Variants in ASIC2 observed in about 807,000 individuals in gnomAD.
The protein encoded by ASIC2 is acid-sensing ion channel 2.
In ASIC2, 25 loss-of-function variants were observed where a neutral mutation model predicts 57.3. The observed-to-expected ratio is 0.44, with a 90% CI of 0.32 to 0.61. ASIC2 has a LOEUF of 0.61. ASIC2 is among the 20% of genes least tolerant of loss of function. ASIC2 has a pLI of 0.06. For missense variants in ASIC2, 641 were observed against 738.1 expected (o/e 0.87, Z 1.52); for synonymous variants, 319 against 307.5 (o/e 1.04, Z -0.39).
intron 1 of ASIC2, among the ~76,000 whole-genome samples, chr17:33,223,335 A>G (rs1331280156): frequency 6.6e-6 from 1 of 152,088 alleles, no homozygotes; most frequent in Non-Finnish European, 1.5e-5. Context: ...GATGTGTGCA[A>G]CTATGCCTGG....
At chr17:33,559,428 C>A (rs1567650055) in intron 1 of ASIC2, among the ~76,000 whole-genome samples, 2 of 152,168 alleles carry the variant, frequency 1.3e-5, no homozygotes, top group Non-Finnish European at 2.9e-5. Flanking sequence ...TACATCACAG[C>A]TAGAATATTG....
At chr17:33,709,483 A>G (rs1017499810) in intron 1 of ASIC2, among the ~76,000 whole-genome samples, 1 of 152,216 alleles carries the variant, frequency 6.6e-6, no homozygotes, top group Non-Finnish European at 1.5e-5. Context: ...CTGCCACATG[A>G]GATTACAGTG....
chr17:33,343,694 A>G (rs1320835593), intron 1 of ASIC2, among the ~76,000 whole-genome samples: 1 of 151,816 alleles, frequency 6.6e-6, no homozygotes, highest in Non-Finnish European at 1.5e-5. Flanking sequence ...TTCCCTCTGC[A>G]TTTTCCAGTC....
At chr17:34,141,000 G>A (rs943133561) in intron 1 of ASIC2, among the ~76,000 whole-genome samples, 1 of 152,114 alleles carries the variant, frequency 6.6e-6, no homozygotes, top group Non-Finnish European at 1.5e-5. Context: ...ATCAGTATTA[G>A]GACAAATAGA....
chr17:33,999,910 C>T (rs979581523), intron 1 of ASIC2, among the ~76,000 whole-genome samples: 1 of 151,988 alleles, frequency 6.6e-6, no homozygotes, highest in South Asian at 2.1e-4. Context: ...AATAGAAAAA[C>T]TTTCTTCAGC....
intron 1 of ASIC2, among the ~76,000 whole-genome samples, chr17:33,847,669 G>A (rs934733063): frequency 3.3e-5 from 5 of 152,136 alleles, no homozygotes; most frequent in African/African-American, 1.2e-4. Context: ...AGAGTCTTCT[G>A]CATGCCAGGG....
upstream of ASIC2, among the ~76,000 whole-genome samples, chr17:33,297,030 C>T (rs1905746098): frequency 6.6e-6 from 1 of 152,142 alleles, no homozygotes; most frequent in African/African-American, 2.4e-5. Context: ...GAATTTCTCC[C>T]ATTTCTCCTA....
intron 1 of ASIC2, among the ~76,000 whole-genome samples, chr17:34,149,138 G>A (rs531423600): frequency 4.3e-5 from 5 of 115,006 alleles, no homozygotes; most frequent in South Asian, 2.5e-4. Flanking sequence ...ACAGTGTCTC[G>A]CTCTGTTGCC....
chr17:33,623,920 C>T (rs114184963), intron 1 of ASIC2, among the ~76,000 whole-genome samples: 1 of 152,204 alleles, frequency 6.6e-6, no homozygotes, highest in East Asian at 1.9e-4. Flanking sequence ...TGCCTTCTCT[C>T]TCTGGTGTCA....
chr17:33,999,262 A>G (rs1906259334), intron 1 of ASIC2, among the ~76,000 whole-genome samples: 1 of 152,178 alleles, frequency 6.6e-6, no homozygotes. Context: ...CTTAAAGCTG[A>G]AATAAATCTC....
At chr17:33,238,910 T>C (rs531984168) in intron 1 of ASIC2, among the ~76,000 whole-genome samples, 10 of 151,358 alleles carry the variant, frequency 6.6e-5, no homozygotes, top group Non-Finnish European at 1.2e-4. Context: ...AGGCTGAGGA[T>C]GGAAAATCAT....
At chr17:33,545,040 C>T (rs1194146479) in intron 1 of ASIC2, among the ~76,000 whole-genome samples, 2 of 152,148 alleles carry the variant, frequency 1.3e-5, no homozygotes, top group Non-Finnish European at 2.9e-5. Flanking sequence ...TCTACCCACC[C>T]AGTTGAATTA....
chr17:33,920,417 G>A (rs1382190258), intron 1 of ASIC2, among the ~76,000 whole-genome samples: 1 of 152,174 alleles, frequency 6.6e-6, no homozygotes, highest in Non-Finnish European at 1.5e-5. Context: ...CAACATGGAT[G>A]CAGGTGGAGG....
At chr17:33,155,033 G>A (rs893372549) in intron 1 of ASIC2, among the ~76,000 whole-genome samples, 1 of 152,170 alleles carries the variant, frequency 6.6e-6, no homozygotes, top group Admixed American at 6.5e-5. Flanking sequence ...TGGCGGCGGC[G>A]GCAGCGTCTT....
chr17:33,934,573 A>G (rs1916016874), intron 1 of ASIC2, among the ~76,000 whole-genome samples: 1 of 151,940 alleles, frequency 6.6e-6, no homozygotes, highest in African/African-American at 2.4e-5. Context: ...GACCTGACAC[A>G]CCCCGTGGGA....
chr17:33,159,335 A>G (rs1322003215), intron 1 of ASIC2, among the ~76,000 whole-genome samples: 1 of 144,938 alleles, frequency 6.9e-6, no homozygotes, highest in Non-Finnish European at 1.5e-5. Context: ...TAACACTTTC[A>G]TGTTATCTCT....
At position 34,156,495 on chromosome 17, in the gene ASIC2, T is replaced by G; in HGVS notation, c.38A>C (p.Gln13Pro). ...GGCAAAGATCTGGATGCTAGAAGGT[T>G]GCAGGCTGCCCTCACTGGGGCTTTC... Residue 13 changes from glutamine to proline, a missense_variant, in exon 1 of 10, where the codon CAA becomes CCA. Coordinates refer to the ASIC2 transcript ENST00000359872. The surrounding 1 kb of genome is among the most constrained non-coding windows in gnomAD (Gnocchi z 4.4). 2 of 1,610,000 alleles carry G rather than the reference T, an allele frequency of 1.2e-6. No individual in the cohort carries two copies. The highest frequency in any genetic ancestry group is 1.7e-6 in the Non-Finnish European group (2 of 1,177,048).
At chr17:33,493,624 C>A (rs763387985) in intron 1 of ASIC2, among the ~76,000 whole-genome samples, 4 of 152,106 alleles carry the variant, frequency 2.6e-5, no homozygotes, top group Non-Finnish European at 5.9e-5. Context: ...CCTTTCCTCC[C>A]GTGTTACTAG....
At chr17:34,112,840 C>T (rs1911316560) in intron 1 of ASIC2, among the ~76,000 whole-genome samples, 1 of 152,136 alleles carries the variant, frequency 6.6e-6, no homozygotes, top group Admixed American at 6.5e-5. Flanking sequence ...GAGTACAGGA[C>T]ACACTCAATA....
Sources: allele counts gnomAD v4.1 joint callset (sites outside exome capture counted in the v4.1 genomes callset), GRCh38; gene constraint gnomAD v4.1.1; non-coding constraint Gnocchi (gnomAD v3.1); transcripts MANE v1.5; gene names NCBI Gene and HGNC (gene_info 2026-07-23, HGNC 2026-07-21).